Variants in UNC13B observed in about 807,000 individuals in gnomAD.
UNC13B encodes the protein protein unc-13 homolog B.
In UNC13B, 144 loss-of-function variants were observed where a neutral mutation model predicts 211.0. That is an observed-to-expected ratio of 0.68 (90% CI 0.60 to 0.78). UNC13B has a LOEUF of 0.78. Ranked by LOEUF, UNC13B falls within the 30% of genes least tolerant of loss-of-function variation. UNC13B has a pLI of 0.00. For synonymous variants in UNC13B, 709 were observed against 725.8 expected, an observed-to-expected ratio of 0.98 and a Z score of 0.37; for missense variants, 1,777 against 2,002.0, an observed-to-expected ratio of 0.89 and a Z score of 2.14.
intron 22 of UNC13B, 97 bp downstream of exon 22, chr9:35,384,411 A>G (rs907675600): frequency 9.2e-6 from 14 of 1,522,810 alleles, no homozygotes; most frequent in Non-Finnish European, 1.2e-5. Flanking sequence ...GAGGCCAGGG[A>G]AAACTGGTCT....
At chr9:35,331,524 G>A (rs1027913765) in intron 11 of UNC13B, among the ~76,000 whole-genome samples, 2 of 152,158 alleles carry the variant, frequency 1.3e-5, no homozygotes, top group African/African-American at 4.8e-5. Context: ...TGGTATTACA[G>A]GCATGTGCCA....
chr9:35,298,043 G>A (rs1158842858), intron 8 of UNC13B, among the ~76,000 whole-genome samples: 1 of 152,086 alleles, frequency 6.6e-6, no homozygotes, highest in Non-Finnish European at 1.5e-5. Context: ...CCATTGATCC[G>A]TGCCTGAATC....
At chr9:35,237,362 G>A (rs1199305576) in intron 4 of UNC13B, among the ~76,000 whole-genome samples, 1 of 152,174 alleles carries the variant, frequency 6.6e-6, no homozygotes, top group South Asian at 2.1e-4. Flanking sequence ...AGCAATGTTA[G>A]TAGCTTTTTA....
At chr9:35,206,303 T>C (rs999251482) in intron 1 of UNC13B, among the ~76,000 whole-genome samples, 2 of 152,340 alleles carry the variant, frequency 1.3e-5, no homozygotes, top group Admixed American at 6.5e-5. Context: ...CACAGTGTCA[T>C]GCAATTATTG....
At chr9:35,364,669 G>GTGCATGTACA in intron 11 of UNC13B, 3 of 1,259,458 alleles carry the variant, frequency 2.4e-6, no homozygotes, top group African/African-American at 1.5e-5. Context: ...GTGTGTACAT[G>GTGCATGTACA]CACATGTGCG....
At chr9:35,290,963 A>C (rs2131776220) in intron 7 of UNC13B, 1 of 1,131,170 alleles carries the variant, frequency 8.8e-7, no homozygotes, top group East Asian at 2.6e-5. Context: ...GGTAGGCTTA[A>C]GTAAGGTAAG....
chr9:35,364,315 G>T (rs1218559719), intron 11 of UNC13B, among the ~76,000 whole-genome samples: 1 of 152,030 alleles, frequency 6.6e-6, no homozygotes, highest in African/African-American at 2.4e-5. Context: ...ATTTAGTTTG[G>T]AACATCTCCA....
chr9:35,200,846 G>A (rs1258383097), intron 1 of UNC13B, among the ~76,000 whole-genome samples: 6 of 152,214 alleles, frequency 3.9e-5, no homozygotes, highest in Non-Finnish European at 7.4e-5. Flanking sequence ...TTGCCTGATT[G>A]CCCTGGCCAG....
At chr9:35,194,172 G>GA (rs1822814640) in intron 1 of UNC13B, among the ~76,000 whole-genome samples, 2 of 152,204 alleles carry the variant, frequency 1.3e-5, no homozygotes, top group South Asian at 4.2e-4. Context: ...TCTGTTTCTA[G>GA]AAAATCTCAA....
chr9:35,217,496 G>C (rs6476478), intron 1 of UNC13B, among the ~76,000 whole-genome samples: 149,158 of 151,738 alleles, frequency 0.98, 73,356 homozygotes, highest in East Asian at 1. Flanking sequence ...TCACGCCATT[G>C]TCCTGCCTCA....
intron 27 of UNC13B, 37 bp downstream of exon 27, chr9:35,396,639 C>A (rs1835897234): frequency 3.7e-6 from 6 of 1,611,942 alleles, no homozygotes; most frequent in Non-Finnish European, 5.1e-6. Context: ...GGGAAGGGAG[C>A]CCTCTGGGTG....
intron 7 of UNC13B, among the ~76,000 whole-genome samples, chr9:35,291,928 A>T (rs1336353798): frequency 6.6e-6 from 1 of 152,104 alleles, no homozygotes; most frequent in East Asian, 1.9e-4. Context: ...TGACCCATTT[A>T]TGCCTAGTGT....
chr9:35,378,221 T>C, intron 16 of UNC13B, 74 bp from the exon 17 acceptor site: 2 of 1,586,096 alleles, frequency 1.3e-6, no homozygotes, highest in Middle Eastern at 1.8e-4. Context: ...TGCTCTAAGA[T>C]GGAAAGCATA....
chr9:35,299,209 G>A (rs1214258413), intron 8 of UNC13B, among the ~76,000 whole-genome samples: 3 of 152,070 alleles, frequency 2.0e-5, no homozygotes, highest in African/African-American at 4.8e-5. Flanking sequence ...TCCAGCCTGG[G>A]CAACAAGAGC....
At chr9:35,258,946 GGCTTCT>G (rs1464524886) in intron 6 of UNC13B, 41 bp from the exon 7 acceptor site, 3 of 1,580,784 alleles carry the variant, frequency 1.9e-6, no homozygotes, top group Non-Finnish European at 2.6e-6. Context: ...TCTTTACTTG[GGCTTCT>G]GATTGTATTT....
At chr9:35,328,146 G>C (rs967880756) in intron 11 of UNC13B, among the ~76,000 whole-genome samples, 1 of 151,962 alleles carries the variant, frequency 6.6e-6, no homozygotes, top group Non-Finnish European at 1.5e-5. Context: ...TCAGCCTCCC[G>C]AGTAGCTGGG....
Position 35,404,252 on chromosome 9 carries a change from G to T in UNC13B, c.*219G>T, listed in dbSNP as rs1836541047. 1.6e-6 allele frequency: 1 copy of T among 608,084 alleles called. No homozygotes were observed. 37.7% of individuals were successfully genotyped at this position (608,084 alleles called of 1,614,324 possible). ...GGACTGTGGTACTAGGGGCTGGGAT[G>T]TGGGGTTACCACATGGAGAGATTTT... is the stretch of plus-strand genomic sequence containing the variant. On this transcript the variant is annotated 3_prime_UTR_variant, in exon 40 of 40. Transcript: ENST00000635942.
At chr9:35,376,971 T>C (rs1438039386) in intron 15 of UNC13B, among the ~76,000 whole-genome samples, 2 of 152,172 alleles carry the variant, frequency 1.3e-5, no homozygotes, top group Non-Finnish European at 2.9e-5. Flanking sequence ...GAAACTATTT[T>C]CCTGCCCTCC....
Position 35,403,649 on chromosome 9 carries a change from AGGGGTGG to A in UNC13B, c.12737+55_12737+61del, listed in dbSNP as rs764091497. 18 of 245,148 alleles carry A rather than the reference AGGGGTGG, an allele frequency of 7.3e-5. No individual in the cohort carries two copies. In the South Asian group the frequency reaches 1.1e-3, roughly 15 times the overall value. The allele number at this position is 245,148 out of a possible 1,614,324, so 15.2% of individuals were successfully genotyped here. A position where few individuals can be genotyped will look rare whatever the true frequency, so the allele number is the denominator to read the frequency against. Reference sequence around the variant, plus strand: ...GACTCTGGGATGGGGGTAAGACTTGAGGGGTGGGGGGAGAGGAGGGCCCGGGGGGATG... The same window carrying A: ...GACTCTGGGATGGGGGTAAGACTTGAGGGGAGAGGAGGGCCCGGGGGGATG... On this transcript the variant is annotated intron_variant, in intron 39 of 39. Transcript: ENST00000635942.
Sources: gnomAD v4.1 joint callset for allele counts (sites outside exome capture counted in the v4.1 genomes callset) on GRCh38, gnomAD v4.1.1 for gene constraint, MANE v1.5 for transcripts, NCBI Gene and HGNC (gene_info 2026-07-23, HGNC 2026-07-21) for gene names.